FOXP1: variants seen among roughly 807,000 people sequenced by gnomAD.
FOXP1 encodes forkhead box P1.
In FOXP1, 15 loss-of-function variants were observed where a neutral mutation model predicts 98.2. The ratio of observed to expected loss-of-function variants is 0.15; its 90% CI spans 0.10 to 0.24. The LOEUF (loss-of-function observed/expected upper bound fraction) is 0.24, where lower values mean the gene tolerates loss of function less well. Ranked by LOEUF, FOXP1 falls within the 10% of genes least tolerant of loss-of-function variation. The pLI, the probability that FOXP1 is intolerant of heterozygous loss-of-function variation, is 1.00. For missense variants in FOXP1, 633 were observed against 848.5 expected, an observed-to-expected ratio of 0.75 and a Z score of 3.15; for synonymous variants, 371 against 314.5, an observed-to-expected ratio of 1.18 and a Z score of -1.90.
At chr3:71,241,924 G>A (rs548775032) in intron 5 of FOXP1, among the ~76,000 whole-genome samples, 1 of 152,238 alleles carries the variant, frequency 6.6e-6, no homozygotes, top group Non-Finnish European at 1.5e-5. Flanking sequence ...AAGAGAGGAA[G>A]ATTTTTTTTT....
At position 70,990,984 on chromosome 3, in the gene FOXP1, G is replaced by A. The variant is rs190501059; in HGVS notation, c.1063-2907C>T. 1.1e-3 allele frequency among the ~76,000 whole-genome samples: 160 copies of A among 152,000 alleles called. 4 individuals are homozygous for A. The East Asian group carries it at 0.014, about 14-fold the overall frequency. On this transcript the variant is annotated intron_variant, in intron 13 of 20. Coordinates refer to ENST00000649528, the MANE Select transcript of FOXP1 (RefSeq NM_001349338.3). ...CTCTGAAGGGGTGTTCTGAAGATCA[G>A]ATGAGGTCTTGCACATAACAAGCTT...
At chr3:71,016,184 T>C (rs2044450896) in intron 11 of FOXP1, among the ~76,000 whole-genome samples, 1 of 152,066 alleles carries the variant, frequency 6.6e-6, no homozygotes, top group African/African-American at 2.4e-5. Context: ...GACAAATGTA[T>C]CCAAGCAGAT....
At chr3:71,406,037 A>T (rs1176232586) in intron 3 of FOXP1, among the ~76,000 whole-genome samples, 1 of 152,080 alleles carries the variant, frequency 6.6e-6, no homozygotes, top group African/African-American at 2.4e-5. Flanking sequence ...GCCAGGCAGC[A>T]GTACTTTTTA....
intron 2 of FOXP1, among the ~76,000 whole-genome samples, chr3:71,544,358 C>T (rs1326528587): frequency 7.9e-6 from 1 of 127,118 alleles, no homozygotes; most frequent in African/African-American, 3.0e-5. Flanking sequence ...AAAGATGTAT[C>T]AAAGGAAAGT....
intron 5 of FOXP1, among the ~76,000 whole-genome samples, chr3:71,268,437 A>C (rs1208263335): frequency 6.6e-6 from 1 of 152,238 alleles, no homozygotes; most frequent in Admixed American, 6.5e-5. Flanking sequence ...TTGGGGGGGT[A>C]GTGGGATATA....
rs537183077 is a variant in FOXP1 at position 71,580,798 on chromosome 3, A to C, written c.-298+751T>G. ...AACTCAGCTATTGTCCAAGCCCTAAACCCTTAAGTCTACGTACAACCAATG... is the reference window on the plus strand; with the variant it reads ...AACTCAGCTATTGTCCAAGCCCTAACCCCTTAAGTCTACGTACAACCAATG... On this transcript the variant is annotated intron_variant, in intron 2 of 20. Transcript: ENST00000649528. The C allele has an allele frequency of 7.1e-6, 7 of 985,396 alleles. No homozygotes were observed. The South Asian group carries it at 3.3e-4, about 46-fold the overall frequency. The allele number at this position is 985,396 out of a possible 1,614,324, so 61.0% of individuals were successfully genotyped here.
chr3:70,977,010 T>C lies in FOXP1; in HGVS notation c.1461A>G (p.Thr487=). ...AILESPEKQL[T]LNEIYNWFTR... Reference sequence around the variant, plus strand: ...TGAACCAGTTATAGATCTCATTTAGTGTTAGCTGCTTTTCTGGAGATTCGA... The same window carrying C: ...TGAACCAGTTATAGATCTCATTTAGCGTTAGCTGCTTTTCTGGAGATTCGA... Residue 487 remains threonine (T), a synonymous_variant, in exon 17 of 21, where the codon ACA becomes ACG. Transcript: ENST00000649528. 1 of 1,614,080 alleles carries C rather than the reference T, an allele frequency of 6.2e-7. No individual in the cohort carries two copies. Among genetic ancestry groups the C allele is most frequent in the South Asian group, 1.1e-5 (1 of 91,078 alleles).
At chr3:71,018,749 G>GGGGAGGGGTACAGGGAGTC (rs2044914256) in intron 11 of FOXP1, among the ~76,000 whole-genome samples, 1 of 152,162 alleles carries the variant, frequency 6.6e-6, no homozygotes, top group Non-Finnish European at 1.5e-5. Context: ...TGTTGCCTCT[G>GGGGAGGGGTACAGGGAGTC]GGGAGGGGTA....
At chr3:70,973,815 G>C (rs998500885) in intron 17 of FOXP1, among the ~76,000 whole-genome samples, 1 of 142,702 alleles carries the variant, frequency 7.0e-6, no homozygotes, top group East Asian at 2.2e-4. Flanking sequence ...CACTGCTATT[G>C]CACAAGCGTT....
intron 14 of FOXP1, among the ~76,000 whole-genome samples, chr3:70,986,450 T>C (rs998159595): frequency 6.6e-6 from 1 of 152,246 alleles, no homozygotes; most frequent in Non-Finnish European, 1.5e-5. Context: ...ATTCTCTCGC[T>C]TGCTGCTAGG....
At chr3:71,195,468 C>G (rs147798166) in intron 6 of FOXP1, among the ~76,000 whole-genome samples, 1 of 152,188 alleles carries the variant, frequency 6.6e-6, no homozygotes, top group Non-Finnish European at 1.5e-5. Context: ...ATATAACACA[C>G]AGCGTAATTA....
intron 14 of FOXP1, among the ~76,000 whole-genome samples, chr3:70,983,272 G>T (rs2039186852): frequency 6.6e-6 from 1 of 151,108 alleles, no homozygotes; most frequent in African/African-American, 2.4e-5. Flanking sequence ...AAAAATTCTA[G>T]TTGAAAGGTT....
At position 71,324,601 on chromosome 3, in the gene FOXP1, C is replaced by T. The variant is rs181658090; in HGVS notation, c.-72-24721G>A. On this transcript the variant is annotated intron_variant, in intron 4 of 20. Transcript: ENST00000649528. The stretch of plus-strand genomic sequence containing the variant: ...TGGACACAGGGTGGGGAACATCACA[C>T]ACCGAGGCCTGTCGTGGGGTGGGGG... Among the ~76,000 whole-genome samples the T allele has an allele frequency of 1.4e-3, 216 of 151,868 alleles. 1 individual carries two copies. Among genetic ancestry groups the T allele is most frequent in the Non-Finnish European group, 2.1e-3 (141 of 67,974 alleles).
chr3:71,290,550 C>G (rs1480085374), intron 5 of FOXP1, among the ~76,000 whole-genome samples: 1 of 152,166 alleles, frequency 6.6e-6, no homozygotes, highest in East Asian at 1.9e-4. Flanking sequence ...ATTTTCAAAA[C>G]AGCTCCCAGA....
chr3:71,542,440 T>C (rs764861111), intron 2 of FOXP1, among the ~76,000 whole-genome samples: 1 of 152,224 alleles, frequency 6.6e-6, no homozygotes, highest in Non-Finnish European at 1.5e-5. Context: ...AATCTCGTTT[T>C]TATAGCTGCT....
intron 3 of FOXP1, among the ~76,000 whole-genome samples, chr3:71,439,319 G>A (rs1223510069): frequency 4.6e-5 from 7 of 152,192 alleles, no homozygotes; most frequent in Non-Finnish European, 8.8e-5. Context: ...GGGTGGGAAT[G>A]GGAGAAAGAA....
chr3:71,354,677 T>C (rs543564307), intron 4 of FOXP1, among the ~76,000 whole-genome samples: 4 of 152,222 alleles, frequency 2.6e-5, no homozygotes, highest in Admixed American at 6.5e-5. Flanking sequence ...ACCTCTAAAA[T>C]GAACATCAGA....
intron 5 of FOXP1, among the ~76,000 whole-genome samples, chr3:71,224,692 C>T (rs116096346): frequency 0.018 from 2,769 of 152,292 alleles, 39 homozygotes; most frequent in Middle Eastern, 0.048. Flanking sequence ...GTTGAATAAA[C>T]AAATCAATGA....
chr3:71,244,244 T>C (rs2106944939), intron 5 of FOXP1, among the ~76,000 whole-genome samples: 1 of 152,278 alleles, frequency 6.6e-6, no homozygotes, highest in Non-Finnish European at 1.5e-5. Context: ...GCCGCTACTT[T>C]AAGTTGCATA....
Sources: gnomAD v4.1 joint callset for allele counts (sites outside exome capture counted in the v4.1 genomes callset) on GRCh38, gnomAD v4.1.1 for gene constraint, MANE v1.5 for transcripts, NCBI Gene and HGNC (gene_info 2026-07-23, HGNC 2026-07-21) for gene names.